Variants in SUMF1 observed in about 807,000 individuals in gnomAD.
SUMF1 encodes sulfatase modifying factor 1.
Under a neutral mutation model 47.6 loss-of-function variants are expected in SUMF1, and 48 were observed. That is an observed-to-expected ratio of 1.01 (90% confidence interval 0.80 to 1.28). The LOEUF is 1.28. Ranked by LOEUF, SUMF1 falls within the 50% of genes most tolerant of loss-of-function variation. SUMF1 has a pLI of 0.00. For synonymous variants in SUMF1, 230 were observed against 192.1 expected, an observed-to-expected ratio of 1.20 and a Z score of -1.63; for missense variants, 571 against 485.4, an observed-to-expected ratio of 1.18 and a Z score of -1.66.
At chr3:4,423,137 CTA>C (rs1013220901) in intron 3 of SUMF1, among the ~76,000 whole-genome samples, 1 of 152,212 alleles carries the variant, frequency 6.6e-6, no homozygotes, top group Non-Finnish European at 1.5e-5. Flanking sequence ...AGCAATCCCA[CTA>C]CTGGGTATCT....
In SUMF1 at chr3:4,410,949, G is replaced by C. The variant is rs1470350256; in HGVS notation, c.870C>G (p.Gly290=). ...PVDAFPPNGY[G]LYNIVGNAWE... is the part of the protein sequence containing the mutation. ...ATGCGTTCCCCACTATGTTGTATAA[G>C]CCATAACCATTGGGAGGGAAGGCAT... is the stretch of plus-strand genomic sequence containing the variant. Residue 290 remains glycine (G), a synonymous_variant, in exon 7 of 9, where the codon GGC becomes GGG. Transcript: ENST00000272902. The C allele has an allele frequency of 1.2e-6, 2 of 1,613,940 alleles. No individual in the cohort carries two copies. The highest frequency in any genetic ancestry group is 1.7e-6 in the Non-Finnish European group (2 of 1,179,946).
chr3:4,425,182 G>A (rs561153885), intron 3 of SUMF1, among the ~76,000 whole-genome samples: 19 of 152,284 alleles, frequency 1.2e-4, no homozygotes, highest in Middle Eastern at 3.4e-3. Flanking sequence ...TGACCCTGGA[G>A]TCAAGCTGCC....
At chr3:4,237,354 A>T (rs548554320) in intron 8 of SUMF1, among the ~76,000 whole-genome samples, 1 of 152,174 alleles carries the variant, frequency 6.6e-6, no homozygotes, top group South Asian at 2.1e-4. Context: ...TCATTTTTTT[A>T]AATTTGCAAT....
At chr3:4,117,570 C>A (rs1320940576) in intron 8 of SUMF1, among the ~76,000 whole-genome samples, 1 of 151,948 alleles carries the variant, frequency 6.6e-6, no homozygotes, top group Non-Finnish European at 1.5e-5. Flanking sequence ...AGTCAGAAGG[C>A]CTTGATGACC....
At chr3:4,346,574 C>G (rs1190302278) in intron 8 of SUMF1, among the ~76,000 whole-genome samples, 1 of 151,976 alleles carries the variant, frequency 6.6e-6, no homozygotes, top group Admixed American at 6.6e-5. Context: ...CATCAGAAAG[C>G]TAGAAAGATC....
intron 8 of SUMF1, among the ~76,000 whole-genome samples, chr3:4,368,292 A>G (rs1237604292): frequency 2.0e-5 from 3 of 152,224 alleles, no homozygotes; most frequent in African/African-American, 7.2e-5. Flanking sequence ...ATGAGATATC[A>G]TCTCACACCA....
intron 8 of SUMF1, among the ~76,000 whole-genome samples, chr3:4,090,124 G>A (rs117623751): frequency 1.3e-5 from 2 of 152,194 alleles, no homozygotes; most frequent in East Asian, 3.9e-4. Context: ...TTAATATTTG[G>A]TAAATGAATA....
At chr3:4,123,570 C>G (rs1351020251) in intron 8 of SUMF1, among the ~76,000 whole-genome samples, 5 of 152,108 alleles carry the variant, frequency 3.3e-5, no homozygotes, top group African/African-American at 1.2e-4. Flanking sequence ...TGTACTTGTT[C>G]TATTGATCAA....
chr3:4,441,633 A>G (rs918241961), intron 3 of SUMF1, among the ~76,000 whole-genome samples: 41 of 152,172 alleles, frequency 2.7e-4, no homozygotes, highest in African/African-American at 8.9e-4. Context: ...TAATATCTAT[A>G]CCTTTTAAGA....
intron 8 of SUMF1, among the ~76,000 whole-genome samples, chr3:4,337,416 C>A (rs1699177532): frequency 6.6e-6 from 1 of 152,176 alleles, no homozygotes; most frequent in African/African-American, 2.4e-5. Context: ...TACTTCATTA[C>A]TGGATGACCA....
At chr3:4,154,508 G>A (rs912605153) in intron 8 of SUMF1, among the ~76,000 whole-genome samples, 1 of 151,490 alleles carries the variant, frequency 6.6e-6, no homozygotes. Context: ...CCTACAAGCT[G>A]GGGACTATTA....
chr3:4,164,778 G>C (rs139584428), intron 8 of SUMF1, among the ~76,000 whole-genome samples: 1 of 152,076 alleles, frequency 6.6e-6, no homozygotes, highest in East Asian at 1.9e-4. Flanking sequence ...CTTGCTTTTG[G>C]AACTTTCTCC....
chr3:4,050,772 AAAAAAGAAAAG>A (rs1366288037), intron 9 of SUMF1, among the ~76,000 whole-genome samples: 1 of 150,258 alleles, frequency 6.7e-6, no homozygotes, highest in Non-Finnish European at 1.5e-5. Flanking sequence ...AAAAAGAAAG[AAAAAAGAAAAG>A]AAAAAGAAAA....
chr3:4,272,641 C>A (rs927321838), intron 8 of SUMF1, among the ~76,000 whole-genome samples: 1 of 152,078 alleles, frequency 6.6e-6, no homozygotes, highest in African/African-American at 2.4e-5. Context: ...TCTATACTGC[C>A]GTTAATAACT....
chr3:4,330,140 C>A (rs913480241), intron 8 of SUMF1, among the ~76,000 whole-genome samples: 1 of 152,184 alleles, frequency 6.6e-6, no homozygotes, highest in African/African-American at 2.4e-5. Flanking sequence ...TTGGTCAAAG[C>A]CATTCAACAA....
At chr3:4,075,339 T>C (rs545152729) in intron 8 of SUMF1, among the ~76,000 whole-genome samples, 1 of 152,032 alleles carries the variant, frequency 6.6e-6, no homozygotes, top group African/African-American at 2.4e-5. Context: ...ATGGAACGTA[T>C]CTCAAAATAA....
chr3:4,289,240 T>C (rs528973661), intron 8 of SUMF1, among the ~76,000 whole-genome samples: 9 of 152,336 alleles, frequency 5.9e-5, no homozygotes, highest in East Asian at 5.8e-4. Context: ...ATAGTCCCAC[T>C]TGGGGAGGAG....
chr3:4,242,222 C>G (rs1284961582), intron 8 of SUMF1, among the ~76,000 whole-genome samples: 1 of 152,160 alleles, frequency 6.6e-6, no homozygotes, highest in African/African-American at 2.4e-5. Context: ...CATCTGCAAA[C>G]AGGGACAATT....
intron 8 of SUMF1, among the ~76,000 whole-genome samples, chr3:4,149,955 C>G (rs1343255674): frequency 5.3e-5 from 8 of 152,054 alleles, no homozygotes; most frequent in African/African-American, 1.7e-4. Flanking sequence ...GCATATCTTC[C>G]ATATTTAAAT....
Sources: allele counts gnomAD v4.1 joint callset (sites outside exome capture counted in the v4.1 genomes callset), GRCh38; gene constraint gnomAD v4.1.1; transcripts MANE v1.5; gene names NCBI Gene and HGNC (gene_info 2026-07-23, HGNC 2026-07-21).